PIK3AP1: variants seen among roughly 807,000 people sequenced by gnomAD.
PIK3AP1 encodes the protein phosphoinositide-3-kinase adaptor protein 1.
A neutral mutation model predicts 88.1 loss-of-function variants in PIK3AP1; 21 were observed. The ratio of observed to expected loss-of-function variants is 0.24; its 90% confidence interval spans 0.17 to 0.34. The LOEUF is 0.34. PIK3AP1 is among the 10% of genes least tolerant of loss of function. The pLI is 1.00. For missense variants in PIK3AP1, 828 were observed against 1,035.7 expected (o/e 0.80, Z 2.75); for synonymous variants, 398 against 400.0 (o/e 1.00, Z 0.06).
intron 8 of PIK3AP1, among the ~76,000 whole-genome samples, chr10:96,638,763 T>C (rs907313772): frequency 6.6e-6 from 1 of 152,130 alleles, no homozygotes; most frequent in Non-Finnish European, 1.5e-5. Context: ...CTCAAAGCAG[T>C]GTCTTTTTCC....
intron 6 of PIK3AP1, 46 bp downstream of exon 6, chr10:96,651,202 T>C (rs1843532098): frequency 6.2e-7 from 1 of 1,612,366 alleles, no homozygotes; most frequent in South Asian, 1.1e-5. Context: ...ACCAGCAGGC[T>C]AGAATCAGCC....
intron 10 of PIK3AP1, among the ~76,000 whole-genome samples, chr10:96,625,640 T>C (rs1332532845): frequency 6.6e-6 from 1 of 152,262 alleles, no homozygotes; most frequent in Non-Finnish European, 1.5e-5. Context: ...CCTAGGGCTC[T>C]GGGTGAATGC....
At chr10:96,619,669 T>C (rs1444492497) in intron 12 of PIK3AP1, among the ~76,000 whole-genome samples, 2 of 152,224 alleles carry the variant, frequency 1.3e-5, no homozygotes, top group Non-Finnish European at 1.5e-5. Flanking sequence ...TGTACACTTA[T>C]GATACAGGTA....
At chr10:96,663,786 T>C (rs1435417042) in intron 2 of PIK3AP1, among the ~76,000 whole-genome samples, 1 of 152,066 alleles carries the variant, frequency 6.6e-6, no homozygotes, top group African/African-American at 2.4e-5. Flanking sequence ...AGACAATTCA[T>C]AAAAGAAGGA....
chr10:96,604,046 C>T lies in PIK3AP1; in HGVS notation c.2174G>A (p.Ser725Asn). ...KTDSTSSTAS[S>N]TSNRSSTRSL... is the part of the protein sequence containing the mutation. ...CCGGGTGCTGGAGCGGTTACTTGTG[C>T]TACCTAAAGGGTAGAAAGAAAATCA... Residue 725 changes from serine to asparagine, a missense_variant, in exon 15 of 17, where the codon AGC (serine) becomes AAC (asparagine). Physicochemically the swap from Ser to Asn is conservative, Grantham distance 46 (BLOSUM62 1). Transcript: ENST00000339364. 1 of 1,597,344 alleles carries T rather than the reference C, an allele frequency of 6.3e-7. No individual in the cohort carries two copies. The highest frequency in any genetic ancestry group is 8.6e-7 in the Non-Finnish European group (1 of 1,169,414).
chr10:96,694,787 C>A (rs1365785669), intron 2 of PIK3AP1, among the ~76,000 whole-genome samples: 2 of 152,122 alleles, frequency 1.3e-5, no homozygotes, highest in Non-Finnish European at 2.9e-5. Context: ...AATCCTCCCG[C>A]CTCAGCCTCC....
In PIK3AP1 at chr10:96,681,859, G is replaced by A. The variant is rs149136839; in HGVS notation, c.431-24925C>T. 1.1e-3 allele frequency among the ~76,000 whole-genome samples: 164 copies of A among 152,222 alleles called. 3 individuals are homozygous for A. The East Asian group carries it at 0.027, about 25-fold the overall frequency. On this transcript the variant is annotated intron_variant, in intron 2 of 16. Transcript: ENST00000339364. ...ACTATGCCTGTATGCAATTACCCAC[G>A]AGGGCAGTGATGACCACATTTTGCT...
At chr10:96,633,233 G>A (rs1843270519) in intron 8 of PIK3AP1, 2 of 683,914 alleles carry the variant, frequency 2.9e-6, no homozygotes, top group Non-Finnish European at 4.3e-6. Flanking sequence ...TACCAATCAG[G>A]AGCCATTTTT....
At chr10:96,643,163 G>A (rs995687645) in intron 8 of PIK3AP1, among the ~76,000 whole-genome samples, 2 of 152,208 alleles carry the variant, frequency 1.3e-5, no homozygotes, top group African/African-American at 2.4e-5. Context: ...GCTAGGGGGC[G>A]CCAGAGGCTG....
intron 2 of PIK3AP1, among the ~76,000 whole-genome samples, chr10:96,680,403 T>C (rs1458762155): frequency 1.3e-5 from 2 of 152,110 alleles, no homozygotes; most frequent in Non-Finnish European, 2.9e-5. Flanking sequence ...TATTTTGTCA[T>C]CCAGGTACTA....
intron 1 of PIK3AP1, among the ~76,000 whole-genome samples, chr10:96,712,667 G>C (rs1844453470): frequency 6.6e-6 from 1 of 152,226 alleles, no homozygotes; most frequent in Admixed American, 6.5e-5. Flanking sequence ...TATGTGGCTG[G>C]TTTATCTTAA....
intron 2 of PIK3AP1, among the ~76,000 whole-genome samples, chr10:96,693,092 C>T (rs1172777008): frequency 6.6e-6 from 1 of 152,222 alleles, no homozygotes; most frequent in Non-Finnish European, 1.5e-5. Context: ...GCCTTCAAAA[C>T]TCTGATAGTT....
At chr10:96,684,176 A>T (rs948345347) in intron 2 of PIK3AP1, among the ~76,000 whole-genome samples, 2 of 152,246 alleles carry the variant, frequency 1.3e-5, no homozygotes, top group African/African-American at 4.8e-5. Context: ...AGCCATTCTT[A>T]AAGCTTCTCA....
At chr10:96,697,217 C>G (rs1026980618) in intron 2 of PIK3AP1, among the ~76,000 whole-genome samples, 1 of 152,146 alleles carries the variant, frequency 6.6e-6, no homozygotes, top group Non-Finnish European at 1.5e-5. Flanking sequence ...TATTAGCCCA[C>G]CCCGAGTGAG....
In PIK3AP1 at chr10:96,720,483, GCCGGGCTCCGCGCGGGA is replaced by G. The variant is rs1844557725; in HGVS notation, c.-106_-90del. On this transcript the variant is annotated 5_prime_UTR_variant, in exon 1 of 17. Transcript: ENST00000339364. The surrounding 1 kb of genome is among the most constrained non-coding windows in gnomAD (Gnocchi z 4.6). Reference sequence around the variant, plus strand: ...GCGTCCTGGCTCGGGCTGGAGGGGCGCCGGGCTCCGCGCGGGACCGGCCGCCGCTCTGGCGCTTCCTC... The same window carrying G: ...GCGTCCTGGCTCGGGCTGGAGGGGCGCCGGCCGCCGCTCTGGCGCTTCCTC... The G allele has an allele frequency of 5.2e-6, 6 of 1,142,918 alleles. No individual in the cohort carries two copies. The highest frequency in any genetic ancestry group is 5.5e-6 in the Non-Finnish European group (5 of 916,400). 70.8% of individuals were successfully genotyped at this position (1,142,918 alleles called of 1,614,324 possible).
In PIK3AP1 at chr10:96,651,597, C is replaced by T. The variant is rs141221035; in HGVS notation, c.767G>A (p.Cys256Tyr). Residue 256 changes from cysteine to tyrosine, a missense_variant, in exon 5 of 17, where the codon TGT (cysteine) becomes TAT (tyrosine). Physicochemically the swap from Cys to Tyr is radical, Grantham distance 194 (BLOSUM62 -2). Coordinates refer to ENST00000339364, the MANE Select transcript of PIK3AP1 (RefSeq NM_152309.3). ...AGTATAATAGCTGATAACGGTTTCA[C>T]ACACCACTAAGTCTCCAGAATATAT... ...LKIYSGDLVVCETVISYYTDM... is the reference protein window; with the variant it reads ...LKIYSGDLVVYETVISYYTDM... 2.9e-4 allele frequency: 470 copies of T among 1,614,168 alleles called. 1 individual carries two copies. In the African/African-American group the frequency reaches 5.6e-3, roughly 19 times the overall value.
intron 4 of PIK3AP1, 43 bp downstream of exon 4, chr10:96,652,655 G>T (rs1466879760): frequency 6.2e-7 from 1 of 1,602,510 alleles, no homozygotes; most frequent in South Asian, 1.1e-5. Context: ...TAGCAAATAA[G>T]CAATGAAGCC....
At chr10:96,711,979 C>A (rs187780173) in intron 1 of PIK3AP1, among the ~76,000 whole-genome samples, 2 of 151,770 alleles carry the variant, frequency 1.3e-5, no homozygotes, top group African/African-American at 4.8e-5. Flanking sequence ...TGGTCTCGAT[C>A]TCCTGACCTC....
At chr10:96,676,708 T>G (rs1246241120) in intron 2 of PIK3AP1, among the ~76,000 whole-genome samples, 2 of 148,934 alleles carry the variant, frequency 1.3e-5, no homozygotes, top group East Asian at 3.9e-4. Context: ...ACTGAAAGAG[T>G]CCAAATTAAA....
Sources: allele counts gnomAD v4.1 joint callset (sites outside exome capture counted in the v4.1 genomes callset), GRCh38; gene constraint gnomAD v4.1.1; non-coding constraint Gnocchi (gnomAD v3.1); transcripts MANE v1.5; gene names NCBI Gene and HGNC (gene_info 2026-07-23, HGNC 2026-07-21).